PNLIPRP1: variants seen among roughly 807,000 people sequenced by gnomAD.
PNLIPRP1 encodes inactive pancreatic lipase-related protein 1.
A neutral mutation model predicts 54.6 loss-of-function variants in PNLIPRP1; 57 were observed. That is an observed-to-expected ratio of 1.04 (90% CI 0.84 to 1.30). The LOEUF (loss-of-function observed/expected upper bound fraction) is 1.30, where lower values mean the gene tolerates loss of function less well. PNLIPRP1 is among the 50% of genes most tolerant of loss of function. PNLIPRP1 has a pLI of 0.00. For missense variants in PNLIPRP1, 567 were observed against 568.5 expected (o/e 1.00, Z 0.03); for synonymous variants, 232 against 208.8 (o/e 1.11, Z -0.96).
At chr10:116,596,393 C>A in intron 6 of PNLIPRP1, 71 bp downstream of exon 6, 1 of 854,554 alleles carries the variant, frequency 1.2e-6, no homozygotes, top group Admixed American at 2.0e-5. Flanking sequence ...GAATGCAGCC[C>A]AGTTCAGAGC....
rs1183853612 is a variant in PNLIPRP1, at chr10:116,592,704, T to C, written c.330+163T>C. On this transcript the variant is annotated intron_variant, in intron 4 of 12. Transcript: ENST00000358834. ...AAAATGCCTTTCCATGTTTCCGCACTACATCTGCACACTGAAGCAACCACA... is the reference window on the plus strand; with the variant it reads ...AAAATGCCTTTCCATGTTTCCGCACCACATCTGCACACTGAAGCAACCACA... 2.5e-5 allele frequency: 21 copies of C among 852,914 alleles called. No homozygotes were observed. In the Admixed American group the frequency reaches 3.4e-4, roughly 14 times the overall value. The allele number at this position is 852,914 out of a possible 1,614,324, so 52.8% of individuals were successfully genotyped here.
chr10:116,599,125 C>T (rs2915763), intron 8 of PNLIPRP1, among the ~76,000 whole-genome samples: 141,817 of 152,018 alleles, frequency 0.93, 66,564 homozygotes, highest in East Asian at 1. Flanking sequence ...CGTGGTGGTG[C>T]GTGGCTGCAA....
In PNLIPRP1 at chr10:116,592,031, A is replaced by AC; in HGVS notation, c.204+110dup. The AC allele has an allele frequency of 4.0e-6, 5 of 1,247,154 alleles. No homozygotes were observed. In the East Asian group the frequency reaches 1.2e-4, roughly 29 times the overall value. The allele number at this position is 1,247,154 out of a possible 1,614,324, so 77.3% of individuals were successfully genotyped here. A position where few individuals can be genotyped will look rare whatever the true frequency, so the allele number is the denominator to read the frequency against. On this transcript the variant is annotated intron_variant, in intron 3 of 12. Transcript: ENST00000358834. Reference sequence around the variant, plus strand: ...GTGCCCTCTTCCTCCACCATGCCCCACCCCATCCCTCAAGCTGCCCCCCAG... The same window carrying AC: ...GTGCCCTCTTCCTCCACCATGCCCCACCCCCATCCCTCAAGCTGCCCCCCAG...
rs559831711 is a variant in PNLIPRP1, at chr10:116,594,653, C to T, written c.331-77C>T. On this transcript the variant is annotated intron_variant, in intron 4 of 12. Coordinates refer to ENST00000358834, the MANE Select transcript of PNLIPRP1 (RefSeq NM_006229.4). ...CCTAGCTAGGAGAAGAGAGAAGTGG[C>T]CATTTCTGAGCCCTGGCTGGATAAG... 9.6e-5 allele frequency: 147 copies of T among 1,523,818 alleles called. No individual in the cohort carries two copies. In the African/African-American group the frequency reaches 1.7e-3, roughly 17 times the overall value. The allele number at this position is 1,523,818 out of a possible 1,614,324, so 94.4% of individuals were successfully genotyped here.
At chr10:116,598,235 C>T (rs1847772274) in intron 8 of PNLIPRP1, 69 bp downstream of exon 8, 3 of 1,372,324 alleles carry the variant, frequency 2.2e-6, no homozygotes, top group South Asian at 2.8e-5. Context: ...CTTTCTGCAG[C>T]AAATCTTAAG....
intron 8 of PNLIPRP1, among the ~76,000 whole-genome samples, chr10:116,599,765 T>C (rs1164961219): frequency 6.6e-6 from 1 of 152,016 alleles, no homozygotes; most frequent in Non-Finnish European, 1.5e-5. Flanking sequence ...TTCTGTAACA[T>C]AGGAATGAGA....
At chr10:116,591,250 T>A in intron 2 of PNLIPRP1, 72 bp downstream of exon 2, 1 of 1,255,994 alleles carries the variant, frequency 8.0e-7, no homozygotes, top group Non-Finnish European at 1.2e-6. Flanking sequence ...GAGAAAGCTT[T>A]AACTGTGGCA....
Position 116,591,877 on chromosome 10 carries a change from C to T in PNLIPRP1, c.156C>T (p.Ile52=), listed in dbSNP as rs782062523. The change falls in exon 3 of 13, where the codon ATC becomes ATT. Residue 52 remains isoleucine (I), a synonymous_variant. Transcript: ENST00000358834. ...LKILPWSPEK[I]GTRFLLYTNE... ...TTCTCCCCTGGAGCCCTGAGAAGAT[C>T]GGCACCCGCTTCCTGCTGTACACCA... The T allele has an allele frequency of 3.7e-5, 59 of 1,614,192 alleles. No individual in the cohort carries two copies. Among genetic ancestry groups the T allele is most frequent in the South Asian group, 1.3e-4 (12 of 91,080 alleles).
At chr10:116,602,327 G>A (rs568173702) in intron 10 of PNLIPRP1, among the ~76,000 whole-genome samples, 1 of 139,966 alleles carries the variant, frequency 7.1e-6, no homozygotes, top group Admixed American at 7.1e-5. Context: ...CCCACTCTGT[G>A]TATTTTTTTT....
At chr10:116,599,256 GAAAATAAAATAAAAT>G (rs10640431) in intron 8 of PNLIPRP1, among the ~76,000 whole-genome samples, 58,438 of 133,758 alleles carry the variant, frequency 0.44, 13,992 homozygotes, top group Non-Finnish European at 0.55. Flanking sequence ...ACTCCATCTC[GAAAATAAAATAAAAT>G]AAAATAAAAT....
At position 116,591,889 on chromosome 10, in the gene PNLIPRP1, C is replaced by T. The variant is rs528026659; in HGVS notation, c.168C>T (p.Phe56=). Residue 56 remains phenylalanine (F), a synonymous_variant, in exon 3 of 13, where the codon TTC becomes TTT. Coordinates refer to ENST00000358834, the MANE Select transcript of PNLIPRP1 (RefSeq NM_006229.4). ...PWSPEKIGTR[F]LLYTNENPNN... Reference sequence around the variant, plus strand: ...GCCCTGAGAAGATCGGCACCCGCTTCCTGCTGTACACCAATGAAAACCCAA... The same window carrying T: ...GCCCTGAGAAGATCGGCACCCGCTTTCTGCTGTACACCAATGAAAACCCAA... 1.2e-6 allele frequency: 2 copies of T among 1,614,204 alleles called. No individual in the cohort carries two copies. The highest frequency in any genetic ancestry group is 1.3e-5 in the African/African-American group (1 of 75,058).
chr10:116,606,375 A>T (rs559703462), intron 12 of PNLIPRP1, among the ~76,000 whole-genome samples: 2 of 152,268 alleles, frequency 1.3e-5, no homozygotes, highest in East Asian at 3.9e-4. Context: ...GAGAACAAAG[A>T]GGTTGGCCCT....
In PNLIPRP1 at chr10:116,597,808, G is replaced by A. The variant is rs781787902; in HGVS notation, c.575-20G>A. ...CTACAGTCAGGTCTATTGTTCTGCA[G>A]TGCTGATCATCTCTTTTAGGGTTGG... On this transcript the variant is annotated intron_variant, in intron 6 of 12. Transcript: ENST00000358834. The A allele has an allele frequency of 1.7e-5, 27 of 1,613,996 alleles. No individual in the cohort carries two copies. Among genetic ancestry groups the A allele is most frequent in the Non-Finnish European group, 2.2e-5 (26 of 1,180,014 alleles).
chr10:116,605,676 G>GC (rs1320717208), intron 12 of PNLIPRP1, 123 bp downstream of exon 12: 2 of 598,284 alleles, frequency 3.3e-6, no homozygotes, highest in Non-Finnish European at 5.5e-6. Context: ...CCCATCTGTG[G>GC]CCCCTTCTCC....
intron 4 of PNLIPRP1, 93 bp from the exon 5 acceptor site, chr10:116,594,637 G>T (rs1416820816): frequency 7.4e-7 from 1 of 1,352,826 alleles, no homozygotes; most frequent in African/African-American, 1.4e-5. Flanking sequence ...CCCTAGCTAG[G>T]AGAAGAGAGA....
At chr10:116,594,925 A>G in intron 5 of PNLIPRP1, 61 bp downstream of exon 5, 2 of 1,577,724 alleles carry the variant, frequency 1.3e-6, no homozygotes, top group African/African-American at 1.3e-5. Flanking sequence ...TCTGTTTGGT[A>G]GAGATGCAGC....
At position 116,591,768 on chromosome 10, in the gene PNLIPRP1, TAGGAAA is replaced by T. The variant is rs782630926; in HGVS notation, c.50_55del (p.Gly17_Lys18del). 1 of 1,614,028 alleles carries T rather than the reference TAGGAAA, an allele frequency of 6.2e-7. No individual in the cohort carries two copies. The highest frequency in any genetic ancestry group is 8.5e-7 in the Non-Finnish European group (1 of 1,179,978). On this transcript the variant is annotated splice_acceptor_variant and coding_sequence_variant, in exon 3 of 13. Transcript: ENST00000358834. LOFTEE classifies it high-confidence loss of function. ...CTTGAGCAGATTCAACCTTTCTCTG[TAGGAAA>T]AGAAGTTTGCTATGAGGACCTCGGG...
At chr10:116,594,993 C>A in intron 5 of PNLIPRP1, 129 bp downstream of exon 5, 2 of 1,185,458 alleles carry the variant, frequency 1.7e-6, no homozygotes, top group Non-Finnish European at 2.3e-6. Flanking sequence ...ACTTCTAAAA[C>A]TCTGAAATTT....
chr10:116,597,301 T>C (rs1395732283), intron 6 of PNLIPRP1, among the ~76,000 whole-genome samples: 1 of 152,206 alleles, frequency 6.6e-6, no homozygotes, highest in Non-Finnish European at 1.5e-5. Flanking sequence ...ATTTAATCTA[T>C]AACAACCATA....
Sources: gnomAD v4.1 joint callset for allele counts (sites outside exome capture counted in the v4.1 genomes callset) on GRCh38, gnomAD v4.1.1 for gene constraint, MANE v1.5 for transcripts, NCBI Gene and HGNC (gene_info 2026-07-23, HGNC 2026-07-21) for gene names.